DMD: variants seen among roughly 807,000 people sequenced by gnomAD.
DMD encodes dystrophin, also known as mutant dystrophin.
DMD carries 63 observed loss-of-function variants against 330.1 expected under a neutral mutation model. That is an observed-to-expected ratio of 0.19 (90% CI 0.16 to 0.24). The LOEUF (loss-of-function observed/expected upper bound fraction) is 0.24. Among genes scored for constraint, DMD ranks in the 10% least tolerant of loss-of-function variants. The pLI, the probability that DMD is intolerant of heterozygous loss-of-function variation, is 1.00. For missense variants in DMD, 3,344 were observed against 2,684.1 expected (o/e 1.25, Z -5.43); for synonymous variants, 1,223 against 959.8 (o/e 1.27, Z -5.07).
chrX:32,723,887 C>A (rs2066591083), intron 7 of DMD, among the ~76,000 whole-genome samples: 1 of 108,938 alleles, frequency 9.2e-6, no homozygotes, highest in Non-Finnish European at 1.9e-5. Flanking sequence ...AAAAAAAAAA[C>A]CTGCAAAAAA....
intron 1 of DMD, among the ~76,000 whole-genome samples, chrX:33,299,882 T>C (rs906184520): frequency 8.9e-6 from 1 of 111,973 alleles, no homozygotes; most frequent in Non-Finnish European, 1.9e-5. Context: ...CCTTTAACTG[T>C]GGTAGCAGTT....
At chrX:33,187,250 T>G (rs1175389035) in intron 1 of DMD, among the ~76,000 whole-genome samples, 1 of 112,662 alleles carries the variant, frequency 8.9e-6, no homozygotes, top group Non-Finnish European at 1.9e-5. Flanking sequence ...TGAAGCTCTA[T>G]GTTAATTGCA....
chrX:32,483,167 A>ATATATATATAT (rs2042083054), intron 21 of DMD, among the ~76,000 whole-genome samples: 1 of 89,204 alleles, frequency 1.1e-5, no homozygotes, highest in Non-Finnish European at 2.3e-5. Context: ...ATATATATAC[A>ATATATATATAT]CCATATTTAA....
intron 52 of DMD, among the ~76,000 whole-genome samples, chrX:31,693,196 CAGAA>C (rs768616427): frequency 8.9e-6 from 1 of 111,776 alleles, no homozygotes; most frequent in East Asian, 2.8e-4. Flanking sequence ...TTAATAAACT[CAGAA>C]AGAGCATTTG....
chrX:32,498,759 TTGTA>T (rs936790095), intron 19 of DMD, among the ~76,000 whole-genome samples: 7 of 111,921 alleles, frequency 6.3e-5, no homozygotes, highest in African/African-American at 9.7e-5. Flanking sequence ...ATCATAAAAC[TTGTA>T]TGTGACACTG....
rs1244954773 is a variant in DMD at position 31,121,744 on chromosome X, GATTT to G, written c.*171_*174del. On this transcript the variant is annotated 3_prime_UTR_variant, in exon 79 of 79. Transcript: ENST00000357033. ...TACCACTACCCTTCACAAAAATATA[GATTT>G]ATTTCTTGTAAACTCTTACTGTCTA... is the stretch of plus-strand genomic sequence containing the variant. 19 of 705,982 alleles carry G rather than the reference GATTT, an allele frequency of 2.7e-5. No individual in the cohort carries two copies. Among genetic ancestry groups the G allele is most frequent in the South Asian group, 1.1e-4 (5 of 45,027 alleles). 58.2% of individuals were successfully genotyped at this position (705,982 alleles called of 1,213,427 possible). A position where few individuals can be genotyped will look rare whatever the true frequency, so the allele number is the denominator to read the frequency against.
intron 44 of DMD, among the ~76,000 whole-genome samples, chrX:32,062,833 A>T (rs2096235478): frequency 9.0e-6 from 1 of 110,599 alleles, no homozygotes; most frequent in Non-Finnish European, 1.9e-5. Context: ...CAGAACCAAA[A>T]GCCAGTCCAA....
At chrX:31,743,007 CAAAT>C (rs1024222382) in intron 51 of DMD, among the ~76,000 whole-genome samples, 32 of 111,410 alleles carry the variant, frequency 2.9e-4, no homozygotes, top group African/African-American at 1.0e-3. Context: ...AAGTCAAAAA[CAAAT>C]AACCCCATCA....
chrX:33,008,954 A>G (rs779807746), intron 2 of DMD, among the ~76,000 whole-genome samples: 5 of 98,413 alleles, frequency 5.1e-5, no homozygotes, highest in Non-Finnish European at 1.0e-4. Flanking sequence ...ATATATACGT[A>G]TATATACATA....
At chrX:32,335,458 C>T (rs1465783626) in intron 41 of DMD, among the ~76,000 whole-genome samples, 16 of 102,664 alleles carry the variant, frequency 1.6e-4, no homozygotes, top group Non-Finnish European at 9.8e-5. Context: ...TATGTATATA[C>T]ATGTATATAT....
chrX:31,173,219 G>A (rs192036177), intron 72 of DMD, among the ~76,000 whole-genome samples: 70 of 111,172 alleles, frequency 6.3e-4, no homozygotes, highest in Middle Eastern at 4.6e-3. Flanking sequence ...ATATATGAAT[G>A]TCTGGTCTAG....
intron 48 of DMD, among the ~76,000 whole-genome samples, chrX:31,854,754 C>G (rs73464086): frequency 0.028 from 3,126 of 111,340 alleles, 110 homozygotes; most frequent in African/African-American, 0.096. Context: ...AAAGTAGTTT[C>G]GATTAGGATG....
At chrX:31,945,604 G>A (rs1010860207) in intron 45 of DMD, among the ~76,000 whole-genome samples, 6 of 112,198 alleles carry the variant, frequency 5.3e-5, no homozygotes, top group African/African-American at 1.6e-4. Context: ...GTCCATACAC[G>A]TAGCTTATGG....
At chrX:32,798,235 A>G (rs187616160) in intron 7 of DMD, among the ~76,000 whole-genome samples, 406 of 112,217 alleles carry the variant, frequency 3.6e-3, no homozygotes, top group African/African-American at 0.012. Flanking sequence ...GTTACATGCA[A>G]TTATTTGTCA....
At position 31,429,962 on chromosome X, in the gene DMD, G is replaced by C. The variant is rs139496195; in HGVS notation, c.9084+14519C>G. On this transcript the variant is annotated intron_variant, in intron 60 of 78. Transcript: ENST00000357033. Reference sequence around the variant, plus strand: ...AGATTTCTGGAGAAAGAATGTTCCAGGTAGAATAAAGAACTACGCATAGTG... The same window carrying C: ...AGATTTCTGGAGAAAGAATGTTCCACGTAGAATAAAGAACTACGCATAGTG... Among the ~76,000 whole-genome samples, 752 of 110,712 alleles carry C rather than the reference G, an allele frequency of 6.8e-3. 6 individuals carry two copies. The highest frequency in any genetic ancestry group is 0.024 in the African/African-American group (725 of 30,419).
At chrX:31,317,062 A>G (rs987394698) in intron 62 of DMD, among the ~76,000 whole-genome samples, 4 of 112,459 alleles carry the variant, frequency 3.6e-5, no homozygotes, top group Non-Finnish European at 7.5e-5. Context: ...ACTTCTCTGG[A>G]AAATGATCAC....
intron 44 of DMD, among the ~76,000 whole-genome samples, chrX:32,071,195 G>C (rs2096294843): frequency 9.1e-6 from 1 of 110,324 alleles, no homozygotes; most frequent in African/African-American, 3.3e-5. Flanking sequence ...TGGGATGGCT[G>C]GGTCAAATGG....
intron 17 of DMD, among the ~76,000 whole-genome samples, chrX:32,528,204 G>A (rs747136631): frequency 9.0e-6 from 1 of 110,911 alleles, no homozygotes; most frequent in African/African-American, 3.3e-5. Context: ...AGCTACTCGG[G>A]AGGCTGAGGC....
At chrX:32,728,403 T>C (rs2067141230) in intron 7 of DMD, among the ~76,000 whole-genome samples, 1 of 111,868 alleles carries the variant, frequency 8.9e-6, no homozygotes, top group Non-Finnish European at 1.9e-5. Context: ...CAAATGTCTT[T>C]TCATAAATGG....
Sources: gnomAD v4.1 joint callset for allele counts (sites outside exome capture counted in the v4.1 genomes callset) on GRCh38, gnomAD v4.1.1 for gene constraint, MANE v1.5 for transcripts, NCBI Gene and HGNC (gene_info 2026-07-23, HGNC 2026-07-21) for gene names.